GRM1: variants seen among roughly 807,000 people sequenced by gnomAD.
GRM1 encodes metabotropic glutamate receptor 1.
A neutral mutation model predicts 90.9 loss-of-function variants in GRM1; 33 were observed. The observed-to-expected ratio is 0.36, with a 90% confidence interval of 0.28 to 0.49. GRM1 has a LOEUF of 0.49. Among genes scored for constraint, GRM1 ranks in the 20% least tolerant of loss-of-function variants. The pLI is 0.99. For synonymous variants in GRM1, 700 were observed against 613.2 expected, an observed-to-expected ratio of 1.14 and a Z score of -2.09; for missense variants, 1,190 against 1,534.3, an observed-to-expected ratio of 0.78 and a Z score of 3.75.
chr6:146,425,755 T>C (rs958995939), intron 7 of GRM1, among the ~76,000 whole-genome samples: 1 of 152,216 alleles, frequency 6.6e-6, no homozygotes, highest in African/African-American at 2.4e-5. Flanking sequence ...CCCGCTTATG[T>C]GGCATGACAG....
intron 2 of GRM1, among the ~76,000 whole-genome samples, chr6:146,267,286 A>G (rs931939326): frequency 1.3e-5 from 2 of 152,096 alleles, no homozygotes; most frequent in Admixed American, 6.6e-5. Flanking sequence ...CCAGTCTGTC[A>G]TTGATGGGCA....
chr6:146,340,808 T>C (rs1157643673), intron 3 of GRM1, among the ~76,000 whole-genome samples: 2 of 152,144 alleles, frequency 1.3e-5, no homozygotes, highest in Non-Finnish European at 2.9e-5. Context: ...CCTCCCAAAG[T>C]GCTGGGATTG....
intron 1 of GRM1, among the ~76,000 whole-genome samples, chr6:146,085,728 G>A (rs759537907): frequency 3.3e-5 from 5 of 152,012 alleles, no homozygotes; most frequent in East Asian, 3.9e-4. Context: ...TGTTCTTTTC[G>A]ATTATACATT....
intron 2 of GRM1, among the ~76,000 whole-genome samples, chr6:146,192,387 T>A (rs1778961484): frequency 6.6e-6 from 1 of 152,174 alleles, no homozygotes; most frequent in Non-Finnish European, 1.5e-5. Context: ...CACAGCTGGG[T>A]CAGAATTCTG....
At chr6:146,289,581 G>C (rs1051949594) in intron 2 of GRM1, among the ~76,000 whole-genome samples, 1 of 152,172 alleles carries the variant, frequency 6.6e-6, no homozygotes, top group East Asian at 1.9e-4. Context: ...GTCTATGGTA[G>C]AGTAATGTAC....
At chr6:146,058,322 C>T (rs148836043) in intron 1 of GRM1, among the ~76,000 whole-genome samples, 20 of 152,126 alleles carry the variant, frequency 1.3e-4, no homozygotes, top group East Asian at 1.9e-4. Context: ...GCAAATATTG[C>T]GATAAGTGAG....
chr6:146,189,681 G>A (rs1350601874), intron 2 of GRM1, among the ~76,000 whole-genome samples: 2 of 152,130 alleles, frequency 1.3e-5, no homozygotes, highest in Admixed American at 1.3e-4. Flanking sequence ...AGGAGAGTTA[G>A]GATTTAAATC....
intron 7 of GRM1, among the ~76,000 whole-genome samples, chr6:146,419,812 G>T (rs1375949925): frequency 6.6e-6 from 1 of 152,106 alleles, no homozygotes; most frequent in Non-Finnish European, 1.5e-5. Flanking sequence ...AGGGGGAAGG[G>T]GGAAGCCTGC....
At chr6:146,246,313 C>A (rs1287674828) in intron 2 of GRM1, among the ~76,000 whole-genome samples, 3 of 152,112 alleles carry the variant, frequency 2.0e-5, no homozygotes, top group East Asian at 3.9e-4. Flanking sequence ...GTGACAGATT[C>A]TTTTGATTGG....
intron 2 of GRM1, among the ~76,000 whole-genome samples, chr6:146,254,115 G>T (rs1395314752): frequency 3.9e-5 from 6 of 152,134 alleles, no homozygotes; most frequent in Non-Finnish European, 1.5e-5. Flanking sequence ...AAGGAAATCA[G>T]GACTTAAATT....
intron 1 of GRM1, among the ~76,000 whole-genome samples, chr6:146,125,514 C>T (rs894785638): frequency 1.3e-5 from 2 of 151,342 alleles, no homozygotes; most frequent in African/African-American, 4.9e-5. Flanking sequence ...ACTTTCTCTC[C>T]CTCTACTTTC....
At chr6:146,145,513 G>A (rs543687552) in intron 1 of GRM1, among the ~76,000 whole-genome samples, 2 of 152,260 alleles carry the variant, frequency 1.3e-5, no homozygotes, top group South Asian at 4.2e-4. Flanking sequence ...GTAGCCCTAG[G>A]TACAGCTTGC....
chr6:146,179,090 C>T (rs1314214098), intron 2 of GRM1, among the ~76,000 whole-genome samples: 1 of 152,040 alleles, frequency 6.6e-6, no homozygotes, highest in Admixed American at 6.6e-5. Flanking sequence ...ATACAGAGTA[C>T]CAGACTATAA....
At chr6:146,042,950 C>A (rs1331928798) in intron 1 of GRM1, among the ~76,000 whole-genome samples, 4 of 151,938 alleles carry the variant, frequency 2.6e-5, no homozygotes, top group African/African-American at 4.8e-5. Flanking sequence ...GATAAGAGAA[C>A]TGATATTTAA....
At chr6:146,261,458 T>G (rs1781693571) in intron 2 of GRM1, among the ~76,000 whole-genome samples, 1 of 152,124 alleles carries the variant, frequency 6.6e-6, no homozygotes, top group Admixed American at 6.5e-5. Flanking sequence ...GATGTTGTGG[T>G]TCTCAATTTC....
At chr6:146,127,663 A>G (rs1776246140) in intron 1 of GRM1, among the ~76,000 whole-genome samples, 1 of 152,214 alleles carries the variant, frequency 6.6e-6, no homozygotes, top group African/African-American at 2.4e-5. Flanking sequence ...AAAATTTGAA[A>G]TCAGAAAATC....
At position 146,260,804 on chromosome 6, in the gene GRM1, G is replaced by GTTTTTTTTTTTTTTTTTTTT. The variant is rs56956724; in HGVS notation, c.951-43793_951-43774dup. On this transcript the variant is annotated intron_variant, in intron 2 of 7. Transcript: ENST00000282753. The stretch of plus-strand genomic sequence containing the variant: ...CCCATTTTTTAATTAGGTTATTTGG[G>GTTTTTTTTTTTTTTTTTTTT]TTTTTTTTTTTTTTTTTTTTTTTTT... Among the ~76,000 whole-genome samples the GTTTTTTTTTTTTTTTTTTTT allele has an allele frequency of 2.2e-4, 5 of 22,740 alleles. 2 individuals carry two copies. Among genetic ancestry groups the GTTTTTTTTTTTTTTTTTTTT allele is most frequent in the African/African-American group, 8.5e-4 (5 of 5,916 alleles). 14.9% of individuals were successfully genotyped at this position (22,740 alleles called of 152,430 possible).
intron 2 of GRM1, among the ~76,000 whole-genome samples, chr6:146,284,150 G>A (rs1453613000): frequency 2.0e-5 from 3 of 152,076 alleles, no homozygotes; most frequent in African/African-American, 7.2e-5. Context: ...AAAGCATGTG[G>A]GAAATATATG....
intron 1 of GRM1, among the ~76,000 whole-genome samples, chr6:146,054,028 T>G (rs1775393166): frequency 6.6e-6 from 1 of 152,132 alleles, no homozygotes; most frequent in South Asian, 2.1e-4. Context: ...AGTTATTGAC[T>G]ATGAGAGATA....
Sources: allele counts gnomAD v4.1 joint callset (sites outside exome capture counted in the v4.1 genomes callset), GRCh38; gene constraint gnomAD v4.1.1; transcripts MANE v1.5; gene names NCBI Gene and HGNC (gene_info 2026-07-23, HGNC 2026-07-21).